CRIP2: variants seen among roughly 807,000 people sequenced by gnomAD.
CRIP2 encodes the protein cysteine rich protein 2, also known as cysteine-rich protein 2.
A neutral mutation model predicts 31.3 loss-of-function variants in CRIP2; 31 were observed. That is an observed-to-expected ratio of 0.99 (90% confidence interval 0.74 to 1.34). The LOEUF is 1.34. Ranked by LOEUF, CRIP2 falls within the 40% of genes most tolerant of loss-of-function variation. CRIP2 has a pLI of 0.00. For synonymous variants in CRIP2, 177 were observed against 127.2 expected (o/e 1.39, Z -2.63); for missense variants, 389 against 301.6 (o/e 1.29, Z -2.15).
At position 105,477,603 on chromosome 14, in the gene CRIP2, TGTGTGA is replaced by T. The variant is rs2083961267; in HGVS notation, c.44-658_44-653del. 3 of 916,926 alleles carry T rather than the reference TGTGTGA, an allele frequency of 3.3e-6. No individual in the cohort carries two copies. In the South Asian group the frequency reaches 1.6e-4, roughly 49 times the overall value. 56.8% of individuals were successfully genotyped at this position (916,926 alleles called of 1,614,324 possible). On this transcript the variant is annotated intron_variant, in intron 1 of 7. Coordinates refer to ENST00000329146, the MANE Select transcript of CRIP2 (RefSeq NM_001312.4). ...GAAGCAGGTGCACTGCAGAGGCAGG[TGTGTGA>T]GTGTAAGAGAAGTGTTTGAGGGAAT...
At chr14:105,473,386 G>A (rs1442871215), upstream of CRIP2, 14 of 1,535,644 alleles carry the variant, frequency 9.1e-6, no homozygotes, top group Admixed American at 2.0e-5. Context: ...AGTGGCTGCA[G>A]GGTGTGTGTG....
At chr14:105,479,096 G>A in intron 5 of CRIP2, 29 bp from the exon 6 acceptor site, 1 of 1,605,082 alleles carries the variant, frequency 6.2e-7, no homozygotes, top group African/African-American at 1.3e-5. Context: ...CCCGCCCCGG[G>A]GCTCGGCCTC....
chr14:105,476,484 T>A, intron 1 of CRIP2: 1 of 985,490 alleles, frequency 1.0e-6, no homozygotes, highest in Non-Finnish European at 1.2e-6. Flanking sequence ...GCAGCCAGGG[T>A]GGGCAGCTGG....
upstream of CRIP2, chr14:105,474,743 C>A: frequency 9.5e-7 from 1 of 1,057,802 alleles, no homozygotes; most frequent in Non-Finnish European, 1.1e-6. This position sits in a 1 kb window ranked among gnomAD's most constrained non-coding sequence, Gnocchi z 5.1. Context: ...GTTATCGAGG[C>A]CCCGCCCCGG....
rs1427287560 is a variant in CRIP2, at chr14:105,478,163, G to A, written c.44-103G>A. 2.6e-5 allele frequency: 24 copies of A among 925,044 alleles called. No homozygotes were observed. The highest frequency in any genetic ancestry group is 2.8e-5 in the Non-Finnish European group (18 of 647,966). The allele number at this position is 925,044 out of a possible 1,614,324, so 57.3% of individuals were successfully genotyped here. A position where few individuals can be genotyped will look rare whatever the true frequency, so the allele number is the denominator to read the frequency against. ...AAGGCGCCTGGGAGACCTCCTGAAA[G>A]TGGGGACCCCCGGAGCGCGTGGGGG... On this transcript the variant is annotated intron_variant, in intron 1 of 7. Coordinates refer to ENST00000329146, the MANE Select transcript of CRIP2 (RefSeq NM_001312.4). This position sits in a 1 kb window ranked among gnomAD's most constrained non-coding sequence, Gnocchi z 4.9.
chr14:105,477,164 C>T (rs2083949320), intron 1 of CRIP2: 2 of 586,524 alleles, frequency 3.4e-6, no homozygotes, highest in Non-Finnish European at 4.3e-6. Flanking sequence ...AGAATTCCGG[C>T]TCTGCTGGGC....
At position 105,478,388 on chromosome 14, in the gene CRIP2, G is replaced by A. The variant is rs782124388; in HGVS notation, c.138+28G>A. The A allele has an allele frequency of 6.4e-7, 1 of 1,572,904 alleles. No individual in the cohort carries two copies. Among genetic ancestry groups the A allele is most frequent in the South Asian group, 1.1e-5 (1 of 87,496 alleles). ...GAGCCCCACTGCGCGGCGCGGGCGGGGGCGGGGGTCGCGACTCCCGCCACC... is the reference window on the plus strand; with the variant it reads ...GAGCCCCACTGCGCGGCGCGGGCGGAGGCGGGGGTCGCGACTCCCGCCACC... On this transcript the variant is annotated intron_variant, in intron 2 of 7. Transcript: ENST00000329146. The surrounding 1 kb of genome is among the most constrained non-coding windows in gnomAD (Gnocchi z 4.9).
At chr14:105,479,263 G>T (rs1214756805) in intron 6 of CRIP2, 44 bp downstream of exon 6, 7 of 1,555,800 alleles carry the variant, frequency 4.5e-6, no homozygotes. Context: ...CAGGGGCGCG[G>T]GGTCGGGGGG....
intron 6 of CRIP2, 29 bp from the exon 7 acceptor site, chr14:105,479,407 C>T (rs1555436820): frequency 8.7e-6 from 14 of 1,612,348 alleles, no homozygotes; most frequent in Middle Eastern, 1.6e-4. Context: ...TCTGTGGACT[C>T]CTCCCTCAGC....
chr14:105,477,377 C>T (rs1018988449), intron 1 of CRIP2: 296 of 985,072 alleles, frequency 3.0e-4, no homozygotes, highest in Non-Finnish European at 3.3e-4. Flanking sequence ...GGGTTTAGGA[C>T]GAGGAATCCA....
Position 105,479,616 on chromosome 14 carries a change from T to G in CRIP2, c.590T>G (p.Ile197Ser), listed in dbSNP as rs1360940564. 6.2e-7 allele frequency: 1 copy of G among 1,612,734 alleles called. No homozygotes were observed. Among genetic ancestry groups the G allele is most frequent in the African/African-American group, 1.3e-5 (1 of 74,990 alleles). Reference sequence around the variant, plus strand: ...AACACCGGTGCGGTGGGCAGCTACATCTATGACCGGGACCCCGAAGGCAAG... The same window carrying G: ...AACACCGGTGCGGTGGGCAGCTACAGCTATGACCGGGACCCCGAAGGCAAG... ...GVNTGAVGSY[I>S]YDRDPEGKVQ... Residue 197 changes from isoleucine to serine, a missense_variant, in exon 8 of 8, where the codon ATC becomes AGC. Coordinates refer to ENST00000329146, the MANE Select transcript of CRIP2 (RefSeq NM_001312.4).
rs1175036265 is a variant in CRIP2 at position 105,479,683 on chromosome 14, C to T, written c.*30C>T. 1.2e-6 allele frequency: 2 copies of T among 1,601,718 alleles called. No individual in the cohort carries two copies. The highest frequency in any genetic ancestry group is 1.7e-5 in the Admixed American group (1 of 58,954). ...CAGCGGCTCTCATGATGTGGGCTCA[C>T]CTGCGCCCCAGACCCTGCAGGGGCC... On this transcript the variant is annotated 3_prime_UTR_variant, in exon 8 of 8. Transcript: ENST00000329146.
chr14:105,479,866 A>T lies in CRIP2; in HGVS notation c.*213A>T. On this transcript the variant is annotated 3_prime_UTR_variant, in exon 8 of 8. Coordinates refer to ENST00000329146, the MANE Select transcript of CRIP2 (RefSeq NM_001312.4). Reference sequence around the variant, plus strand: ...TCTGGCATCCTCTGGGCGTCCCATGATCCCTTCTGTGTCTGCGTGTCCGAA... The same window carrying T: ...TCTGGCATCCTCTGGGCGTCCCATGTTCCCTTCTGTGTCTGCGTGTCCGAA... 1.7e-6 allele frequency: 1 copy of T among 599,976 alleles called. No individual in the cohort carries two copies. The highest frequency in any genetic ancestry group is 2.8e-5 in the East Asian group (1 of 35,748). The allele number at this position is 599,976 out of a possible 1,614,324, so 37.2% of individuals were successfully genotyped here.
At chr14:105,476,852 G>A (rs1317045641) in intron 1 of CRIP2, 13 of 822,220 alleles carry the variant, frequency 1.6e-5, no homozygotes, top group African/African-American at 5.6e-5. Flanking sequence ...ATGCCCAGAG[G>A]GTTGTACCAG....
At chr14:105,476,713 C>A (rs1407735457) in intron 1 of CRIP2, 2 of 985,342 alleles carry the variant, frequency 2.0e-6, no homozygotes, top group East Asian at 2.3e-4. Context: ...ACACGCCTGC[C>A]CACCGTGCAG....
rs2083918606 is a variant in CRIP2 at position 105,475,745 on chromosome 14, G to C, written c.43+840G>C. Reference sequence around the variant, plus strand: ...CTGGGCTTACTCACTCTCTGGGCCTGGGTGCGCCCTTCCTACCCCCTTCCT... The same window carrying C: ...CTGGGCTTACTCACTCTCTGGGCCTCGGTGCGCCCTTCCTACCCCCTTCCT... On this transcript the variant is annotated intron_variant, in intron 1 of 7. Transcript: ENST00000329146. The C allele has an allele frequency of 4.6e-6, 4 of 865,890 alleles. No individual in the cohort carries two copies. The South Asian group carries it at 2.1e-4, about 46-fold the overall frequency. 53.6% of individuals were successfully genotyped at this position (865,890 alleles called of 1,614,324 possible).
At chr14:105,476,468 G>A (rs1595450702) in intron 1 of CRIP2, 1 of 985,558 alleles carries the variant, frequency 1.0e-6, no homozygotes, top group Non-Finnish European at 1.2e-6. Flanking sequence ...CCACCCCAGA[G>A]CCCATGCAGC....
chr14:105,478,405 C>T lies in CRIP2; in HGVS notation c.138+45C>T. Reference sequence around the variant, plus strand: ...GCGGGCGGGGGCGGGGGTCGCGACTCCCGCCACCCTCAGGCAGGGTCCTGA... The same window carrying T: ...GCGGGCGGGGGCGGGGGTCGCGACTTCCGCCACCCTCAGGCAGGGTCCTGA... On this transcript the variant is annotated intron_variant, in intron 2 of 7. Coordinates refer to ENST00000329146, the MANE Select transcript of CRIP2 (RefSeq NM_001312.4). The surrounding 1 kb of genome is among the most constrained non-coding windows in gnomAD (Gnocchi z 4.9). The T allele has an allele frequency of 6.3e-7, 1 of 1,583,776 alleles. No homozygotes were observed. The highest frequency in any genetic ancestry group is 8.6e-7 in the Non-Finnish European group (1 of 1,169,078).
chr14:105,477,768 GT>G (rs2083971386), intron 1 of CRIP2, among the ~76,000 whole-genome samples: 1 of 78,448 alleles, frequency 1.3e-5, no homozygotes, highest in Non-Finnish European at 2.6e-5. Flanking sequence ...GCGGGTGTGT[GT>G]GTGAGAGGAA....
Sources: allele counts gnomAD v4.1 joint callset (sites outside exome capture counted in the v4.1 genomes callset), GRCh38; gene constraint gnomAD v4.1.1; non-coding constraint Gnocchi (gnomAD v3.1); transcripts MANE v1.5; gene names NCBI Gene and HGNC (gene_info 2026-07-23, HGNC 2026-07-21).